Variants in PAK2 observed in about 807,000 individuals in gnomAD.
The protein encoded by PAK2 is p21 (RAC1) activated kinase 2.
A neutral mutation model predicts 65.9 loss-of-function variants in PAK2; 21 were observed. The ratio of observed to expected loss-of-function variants is 0.32; its 90% CI spans 0.23 to 0.46. PAK2 has a LOEUF of 0.46. PAK2 is among the 20% of genes least tolerant of loss of function. PAK2 has a pLI of 1.00. For synonymous variants in PAK2, 204 were observed against 219.7 expected (o/e 0.93, Z 0.63); for missense variants, 324 against 642.6 (o/e 0.50, Z 5.36).
chr3:196,831,966 T>A lies in PAK2; in HGVS notation c.*3561T>A, dbSNP rs6769337. On this transcript the variant is annotated 3_prime_UTR_variant, in exon 15 of 15. Transcript: ENST00000327134. ...ACTGGTAAAATCAGTTTTTTGATAG[T>A]GTGTGTATATAAGAAAAAATAGATA... 2.6e-3 allele frequency: 399 copies of A among 152,334 alleles called. 1 individual carries two copies. Among genetic ancestry groups the A allele is most frequent in the African/African-American group, 9.0e-3 (376 of 41,596 alleles). The allele number at this position is 152,334 out of a possible 1,614,324, so 9.4% of individuals were successfully genotyped here.
rs1577739713 is a variant in PAK2, at chr3:196,811,205, T to C, written c.773+552T>C. Among the ~76,000 whole-genome samples, 4 of 46,996 alleles carry C rather than the reference T, an allele frequency of 8.5e-5. 1 individual carries two copies. The highest frequency in any genetic ancestry group is 2.6e-4 in the Admixed American group (1 of 3,818). The allele number at this position is 46,996 out of a possible 152,430, so 30.8% of individuals were successfully genotyped here. A position where few individuals can be genotyped will look rare whatever the true frequency, so the allele number is the denominator to read the frequency against. On this transcript the variant is annotated intron_variant, in intron 8 of 14. Transcript: ENST00000327134. ...CTTCCATATGAATTCCTTCCTCCCT[T>C]CCTTCCCTTCCCTCCCTCCCTTCCC...
At chr3:196,810,691 T>C (rs1352422747) in intron 8 of PAK2, 38 bp downstream of exon 8, 1 of 1,012,822 alleles carries the variant, frequency 9.9e-7, no homozygotes, top group South Asian at 1.3e-5. Context: ...ATATTCAGTA[T>C]TCAGTATTTC....
At chr3:196,765,375 C>G (rs1336651894) in intron 1 of PAK2, among the ~76,000 whole-genome samples, 1 of 152,008 alleles carries the variant, frequency 6.6e-6, no homozygotes, top group African/African-American at 2.4e-5. Context: ...GGCTCGAACT[C>G]CTGGCCTCAA....
chr3:196,770,988 T>C, intron 1 of PAK2, among the ~76,000 whole-genome samples: 1 of 152,126 alleles, frequency 6.6e-6, no homozygotes, highest in East Asian at 1.9e-4. Flanking sequence ...TTTCATTATG[T>C]CTTTTTTTAA....
chr3:196,825,249 GCT>G (rs1711810184), intron 13 of PAK2, among the ~76,000 whole-genome samples: 4 of 152,032 alleles, frequency 2.6e-5, no homozygotes, highest in East Asian at 3.9e-4. Flanking sequence ...GGGAGGCTGA[GCT>G]GCAAGAATTG....
intron 1 of PAK2, among the ~76,000 whole-genome samples, chr3:196,742,809 C>G (rs1242984532): frequency 6.6e-6 from 1 of 152,070 alleles, no homozygotes. Context: ...CCCAGCTACT[C>G]GGGAGGCTGA....
intron 1 of PAK2, among the ~76,000 whole-genome samples, chr3:196,754,585 C>G (rs1320416376): frequency 2.0e-5 from 3 of 152,128 alleles, no homozygotes; most frequent in African/African-American, 7.2e-5. Context: ...GAGAGTGGCC[C>G]TCATTTCTAG....
chr3:196,794,834 C>T, intron 2 of PAK2, among the ~76,000 whole-genome samples: 1 of 152,150 alleles, frequency 6.6e-6, no homozygotes, highest in Non-Finnish European at 1.5e-5. Flanking sequence ...CCCTTGGGGA[C>T]TCCTCTCTCC....
chr3:196,827,330 A>G lies in PAK2; in HGVS notation c.1485A>G (p.Leu495=), dbSNP rs781619873. Residue 495 remains leucine, a synonymous_variant, in exon 14 of 15, where the codon TTA becomes TTG. Coordinates refer to ENST00000327134, the MANE Select transcript of PAK2 (RefSeq NM_002577.4). ...AAAGGGGTTCAGCCAAAGAATTATT[A>G]CAGGTAAATTTAAAAATGATTTCAT... ...VEKRGSAKEL[L]QHPFLKLAKP... is the part of the protein sequence containing the mutation. 1.3e-6 allele frequency: 2 copies of G among 1,599,782 alleles called. No individual in the cohort carries two copies. The highest frequency in any genetic ancestry group is 2.3e-5 in the South Asian group (2 of 87,760).
intron 1 of PAK2, among the ~76,000 whole-genome samples, chr3:196,771,907 AT>A (rs1714373462): frequency 6.6e-6 from 1 of 152,032 alleles, no homozygotes; most frequent in Admixed American, 6.6e-5. Flanking sequence ...TCATTAGTTC[AT>A]TGTTCATTAA....
intron 1 of PAK2, among the ~76,000 whole-genome samples, chr3:196,767,145 C>T (rs1714195765): frequency 6.6e-6 from 1 of 151,958 alleles, no homozygotes; most frequent in Non-Finnish European, 1.5e-5. Context: ...GTAGAATGTT[C>T]TGTAGTTAGT....
At chr3:196,765,221 C>T (rs1332967959) in intron 1 of PAK2, among the ~76,000 whole-genome samples, 1 of 148,864 alleles carries the variant, frequency 6.7e-6, no homozygotes, top group Admixed American at 6.8e-5. Context: ...GATCTCAGCT[C>T]ACTGCAACCT....
In PAK2 at chr3:196,820,600, G is replaced by A; in HGVS notation, c.1350+33G>A. On this transcript the variant is annotated intron_variant, in intron 13 of 14. Coordinates refer to ENST00000327134, the MANE Select transcript of PAK2 (RefSeq NM_002577.4). The surrounding 1 kb of genome is among the most constrained non-coding windows in gnomAD (Gnocchi z 4.6). ...GAGTTAAACACCAGCCTTGTTCAAT[G>A]TTTTTCTTTGAAACTCTTATTTAGA... The A allele has an allele frequency of 8.1e-7, 1 of 1,230,026 alleles. No individual in the cohort carries two copies. Among genetic ancestry groups the A allele is most frequent in the Non-Finnish European group, 1.1e-6 (1 of 886,188 alleles). 76.2% of individuals were successfully genotyped at this position (1,230,026 alleles called of 1,614,324 possible). A position where few individuals can be genotyped will look rare whatever the true frequency, so the allele number is the denominator to read the frequency against.
intron 14 of PAK2, 187 bp downstream of exon 14, chr3:196,827,520 G>A: frequency 1.3e-6 from 1 of 762,222 alleles, no homozygotes; most frequent in South Asian, 6.0e-5. Context: ...ACCAAACACT[G>A]CATGTTCCCA....
chr3:196,805,850 A>T (rs1242795081), intron 5 of PAK2, among the ~76,000 whole-genome samples: 1 of 151,550 alleles, frequency 6.6e-6, no homozygotes, highest in Non-Finnish European at 1.5e-5. Context: ...CTCAATTGGG[A>T]GGAAACAGTC....
intron 1 of PAK2, among the ~76,000 whole-genome samples, chr3:196,750,756 T>TA (rs869208797): frequency 0.051 from 7,528 of 147,576 alleles, 234 homozygotes; most frequent in African/African-American, 0.084. Context: ...AAATAAAGTT[T>TA]AAAAAAAAAA....
chr3:196,808,272 G>A (rs59615390), intron 7 of PAK2, among the ~76,000 whole-genome samples: 6,397 of 151,894 alleles, frequency 0.042, 171 homozygotes, highest in Middle Eastern at 0.068. Flanking sequence ...AGCCAAGATT[G>A]CGTCGTTGGG....
intron 2 of PAK2, among the ~76,000 whole-genome samples, chr3:196,801,343 T>G (rs747667031): frequency 1.3e-5 from 2 of 152,182 alleles, no homozygotes; most frequent in Non-Finnish European, 2.9e-5. Context: ...GCCTGTGCTC[T>G]GTTACTCAGG....
At chr3:196,773,597 C>T (rs1577712342) in intron 1 of PAK2, among the ~76,000 whole-genome samples, 1 of 152,024 alleles carries the variant, frequency 6.6e-6, no homozygotes, top group Non-Finnish European at 1.5e-5. Flanking sequence ...AAGTTCAGGC[C>T]GGGCACAGTG....
Sources: gnomAD v4.1 joint callset for allele counts (sites outside exome capture counted in the v4.1 genomes callset) on GRCh38, gnomAD v4.1.1 for gene constraint, Gnocchi (gnomAD v3.1) non-coding constraint, MANE v1.5 for transcripts, NCBI Gene and HGNC (gene_info 2026-07-23, HGNC 2026-07-21) for gene names.